Variants in PEX1 observed in about 807,000 individuals in gnomAD.
PEX1 encodes peroxisomal ATPase PEX1.
PEX1 carries 97 observed loss-of-function variants against 152.5 expected under a neutral mutation model. The ratio of observed to expected loss-of-function variants is 0.64; its 90% CI spans 0.54 to 0.75. PEX1 has a LOEUF of 0.75. Among genes scored for constraint, PEX1 ranks in the 30% least tolerant of loss-of-function variants. The pLI is 0.00. For missense variants in PEX1, 1,357 were observed against 1,516.3 expected (o/e 0.89, Z 1.74); for synonymous variants, 485 against 531.6 (o/e 0.91, Z 1.21).
rs371327573 is a variant in PEX1 at position 92,496,746 on chromosome 7, G to A, written c.2750C>T (p.Ala917Val). Residue 917 changes from alanine to valine, a missense_variant, in exon 17 of 24, where the codon GCA (alanine) becomes GTA (valine). By Grantham distance (64) the Ala-to-Val change is moderately conservative. Transcript: ENST00000248633. ...GPELLSKYIG[A>V]SEQAVRDIFI... ...AATATCCCGAACAGCTTGTTCACTT[G>A]CTCCAATGTATTTGCTGAGTAACTC... 20 of 1,609,836 alleles carry A rather than the reference G, an allele frequency of 1.2e-5. No individual in the cohort carries two copies. In the African/African-American group the frequency reaches 2.5e-4, roughly 20 times the overall value.
intron 23 of PEX1, 93 bp downstream of exon 23, chr7:92,489,200 T>G (rs1791125560): frequency 8.6e-7 from 1 of 1,162,524 alleles, no homozygotes; most frequent in Non-Finnish European, 1.3e-6. Context: ...ATTCAAAATA[T>G]TTTTATTTTA....
chr7:92,494,013 G>A (rs1210820039), intron 19 of PEX1: 9 of 370,368 alleles, frequency 2.4e-5, no homozygotes, highest in South Asian at 1.0e-4. Flanking sequence ...TCTTTGAACA[G>A]AAGATAATGT....
At chr7:92,520,519 T>G (rs1050170225) in intron 2 of PEX1, among the ~76,000 whole-genome samples, 2 of 152,256 alleles carry the variant, frequency 1.3e-5, no homozygotes, top group Non-Finnish European at 2.9e-5. Flanking sequence ...GAGAGCAATG[T>G]AGCCCCATCT....
Position 92,504,734 on chromosome 7 carries a change from T to C in PEX1, c.2069A>G (p.His690Arg). 6.2e-7 allele frequency: 1 copy of C among 1,613,968 alleles called. No homozygotes were observed. Among genetic ancestry groups the C allele is most frequent in the Non-Finnish European group, 8.5e-7 (1 of 1,179,940 alleles). Residue 690 changes from histidine (H) to arginine (R), a missense_variant and splice_region_variant, in exon 12 of 24, where the codon CAT becomes CGT. His to Arg is a conservative substitution (Grantham distance 29, BLOSUM62 0). Transcript: ENST00000248633. ...AAGCCAGTGGTGGATGCATTTACCA[T>C]GAGCAAGCCGCTGGCTCTGCACCGC... ...PDAVQSQRLA[H>R]ALNDMIKEFI... is the part of the protein sequence containing the mutation.
chr7:92,513,307 AG>A (rs908628452), intron 6 of PEX1, among the ~76,000 whole-genome samples: 5 of 152,224 alleles, frequency 3.3e-5, no homozygotes, highest in Non-Finnish European at 7.3e-5. Context: ...AAACAACCCA[AG>A]TGTCCATCAA....
chr7:92,488,729 ATTT>A (rs199766658), intron 23 of PEX1, among the ~76,000 whole-genome samples: 1 of 142,526 alleles, frequency 7.0e-6, no homozygotes. Context: ...AAGTTACTAA[ATTT>A]TTTTTTTTTT....
At chr7:92,526,145 G>A (rs1306753671) in intron 1 of PEX1, among the ~76,000 whole-genome samples, 1 of 152,206 alleles carries the variant, frequency 6.6e-6, no homozygotes, top group African/African-American at 2.4e-5. Flanking sequence ...CGACCTAGAT[G>A]CTTAAGGTCT....
chr7:92,522,076 A>C (rs745742207), intron 2 of PEX1, 26 bp downstream of exon 2: 5 of 1,609,510 alleles, frequency 3.1e-6, no homozygotes, highest in African/African-American at 1.3e-5. Context: ...TATTAGAAGA[A>C]AGTTATTGCC....
At chr7:92,489,197 ATATTTT>A (rs1479636291) in intron 23 of PEX1, 90 bp downstream of exon 23, 3 of 1,142,194 alleles carry the variant, frequency 2.6e-6, no homozygotes, top group South Asian at 1.3e-5. Flanking sequence ...AATATTCAAA[ATATTTT>A]TATTTTAAAC....
intron 9 of PEX1, among the ~76,000 whole-genome samples, chr7:92,508,871 T>C (rs1792320901): frequency 6.6e-6 from 1 of 152,208 alleles, no homozygotes; most frequent in African/African-American, 2.4e-5. Flanking sequence ...ATTACAGTAA[T>C]ACAAGACAGT....
intron 13 of PEX1, 50 bp downstream of exon 13, chr7:92,502,991 A>C: frequency 6.7e-7 from 1 of 1,493,596 alleles, no homozygotes; most frequent in Non-Finnish European, 9.3e-7. Context: ...TTGAAAAATA[A>C]TTTCTATAAA....
chr7:92,507,195 C>G, intron 9 of PEX1, 69 bp from the exon 10 acceptor site: 2 of 1,393,948 alleles, frequency 1.4e-6, no homozygotes, highest in Admixed American at 3.6e-5. Flanking sequence ...TAAAAAAATG[C>G]TGAATTTTGC....
chr7:92,511,848 T>C, intron 6 of PEX1, 145 bp from the exon 7 acceptor site: 2 of 737,894 alleles, frequency 2.7e-6, no homozygotes, highest in East Asian at 2.7e-5. Flanking sequence ...TAGGCACAGG[T>C]CTGGGATTTG....
At chr7:92,507,315 T>G in intron 9 of PEX1, 189 bp from the exon 10 acceptor site, 1 of 522,858 alleles carries the variant, frequency 1.9e-6, no homozygotes, top group Non-Finnish European at 3.4e-6. Flanking sequence ...CCCAGCTCCC[T>G]GCAGCCTCAA....
rs1476909174 is a variant in PEX1, at chr7:92,517,864, T to C, written c.651A>G (p.Gln217=). 6 of 1,541,636 alleles carry C rather than the reference T, an allele frequency of 3.9e-6. No individual in the cohort carries two copies. Among genetic ancestry groups the C allele is most frequent in the Non-Finnish European group, 3.5e-6 (4 of 1,150,654 alleles). ...TGATTCCCACAGTATTTGACTGAAG[T>C]TGCTTGGTTTGAAGTTCTTTCATCA... ...KGMMKELQTK[Q]LQSNTVGITE... Residue 217 remains glutamine (Q), a synonymous_variant, in exon 5 of 24, where the codon CAA becomes CAG. Transcript: ENST00000248633.
chr7:92,504,013 T>C (rs1395318994), intron 12 of PEX1, among the ~76,000 whole-genome samples: 1 of 152,116 alleles, frequency 6.6e-6, no homozygotes, highest in Non-Finnish European at 1.5e-5. Flanking sequence ...CTTTTGCCTG[T>C]AGACCACGCT....
rs1585219455 is a variant in PEX1 at position 92,493,812 on chromosome 7, C to G, written c.3030+481G>C. On this transcript the variant is annotated intron_variant, in intron 19 of 23. Transcript: ENST00000248633. Reference sequence around the variant, plus strand: ...ATATACAGATACTTTATACCTTTGACTATTCATTTGTCTATCTGTTCTTTC... The same window carrying G: ...ATATACAGATACTTTATACCTTTGAGTATTCATTTGTCTATCTGTTCTTTC... 4 of 184,990 alleles carry G rather than the reference C, an allele frequency of 2.2e-5. No individual in the cohort carries two copies. The East Asian group carries it at 5.4e-4, about 25-fold the overall frequency. The allele number at this position is 184,990 out of a possible 1,614,324, so 11.5% of individuals were successfully genotyped here.
At chr7:92,493,196 T>C (rs561325501) in intron 19 of PEX1, 67 bp from the exon 20 acceptor site, 2 of 913,966 alleles carry the variant, frequency 2.2e-6, no homozygotes, top group South Asian at 1.8e-5. Flanking sequence ...AAATTGTGTA[T>C]CTTATGATTT....
chr7:92,514,754 C>T lies in PEX1; in HGVS notation c.1240-787G>A, dbSNP rs1026456673. 2.5e-4 allele frequency among the ~76,000 whole-genome samples: 38 copies of T among 152,068 alleles called. 1 individual carries two copies. Among genetic ancestry groups the T allele is most frequent in the Admixed American group, 4.6e-4 (7 of 15,268 alleles). On this transcript the variant is annotated intron_variant, in intron 5 of 23. Coordinates refer to ENST00000248633, the MANE Select transcript of PEX1 (RefSeq NM_000466.3). ...ATACTAAAAATGACTGAATTGTACA[C>T]TTTAAATTTTACCTCAGCCGGGCGC... is the stretch of plus-strand genomic sequence containing the variant.
Sources: gnomAD v4.1 joint callset for allele counts (sites outside exome capture counted in the v4.1 genomes callset) on GRCh38, gnomAD v4.1.1 for gene constraint, MANE v1.5 for transcripts, NCBI Gene and HGNC (gene_info 2026-07-23, HGNC 2026-07-21) for gene names.